The following TRPM6 variants were observed in gnomAD, a reference collection of about 807,000 sequenced individuals.
The protein encoded by TRPM6 is channel kinase 2.
TRPM6 carries 111 observed loss-of-function variants against 247.6 expected under a neutral mutation model. The observed-to-expected ratio is 0.45, with a 90% CI of 0.38 to 0.52. TRPM6 has a LOEUF of 0.52. Ranked by LOEUF, TRPM6 falls within the 20% of genes least tolerant of loss-of-function variation. The pLI, the probability that TRPM6 is intolerant of heterozygous loss-of-function variation, is 0.00. For missense variants in TRPM6, 2,126 were observed against 2,421.5 expected (o/e 0.88, Z 2.56); for synonymous variants, 892 against 853.8 (o/e 1.04, Z -0.78).
At chr9:74,781,632 A>AAG (rs1237577145) in intron 23 of TRPM6, among the ~76,000 whole-genome samples, 1 of 151,508 alleles carries the variant, frequency 6.6e-6, no homozygotes, top group Non-Finnish European at 1.5e-5. Flanking sequence ...GAGAGGAAGA[A>AAG]AGAGAGAGAG....
rs777390076 is a variant in TRPM6, at chr9:74,728,220, AG to A, written c.5935+18del. On this transcript the variant is annotated intron_variant, in intron 38 of 38. Transcript: ENST00000360774. ...TATGAGAGATTTACTTAGAGAAAAA[AG>A]AACTGTTAGTGGCATACCCGGGAGT... 1 of 1,567,572 alleles carries A rather than the reference AG, an allele frequency of 6.4e-7. No homozygotes were observed. The highest frequency in any genetic ancestry group is 1.1e-5 in the South Asian group (1 of 90,002).
intron 1 of TRPM6, chr9:74,875,280 C>T (rs117853087): frequency 0.025 from 11,441 of 454,396 alleles, 220 homozygotes; most frequent in Non-Finnish European, 0.035. Context: ...TGGTGACTCA[C>T]GCCTGTAATC....
At chr9:74,841,883 T>A (rs1205745346) in intron 4 of TRPM6, among the ~76,000 whole-genome samples, 5 of 152,100 alleles carry the variant, frequency 3.3e-5, no homozygotes. Flanking sequence ...GTGCAGCTAT[T>A]GAAAAATGTG....
Position 74,800,116 on chromosome 9 carries a change from G to T in TRPM6, c.2238+138C>A, listed in dbSNP as rs1012192752. Reference sequence around the variant, plus strand: ...GGTATACGAGTAGCTGCAGTCCCCTGCTAGAACCTCCAAATGAGCTCTCAA... The same window carrying T: ...GGTATACGAGTAGCTGCAGTCCCCTTCTAGAACCTCCAAATGAGCTCTCAA... On this transcript the variant is annotated intron_variant, in intron 17 of 38. Transcript: ENST00000360774. The T allele has an allele frequency of 1.6e-4, 126 of 797,068 alleles. No homozygotes were observed. The African/African-American group carries it at 1.8e-3, about 11-fold the overall frequency. 49.4% of individuals were successfully genotyped at this position (797,068 alleles called of 1,614,324 possible).
At chr9:74,829,435 A>C (rs754193418) in intron 6 of TRPM6, among the ~76,000 whole-genome samples, 1 of 152,256 alleles carries the variant, frequency 6.6e-6, no homozygotes, top group Non-Finnish European at 1.5e-5. Flanking sequence ...AGGCAAAAGC[A>C]CAATATTTAG....
In TRPM6 at chr9:74,750,756, T is replaced by C. The variant is rs1354218936; in HGVS notation, c.4999-34A>G. ...AAGGGAAAGGCCGTTACGTGTGTGCTCAACATAGTCCCACCCCAAGTTTCT... is the reference window on the plus strand; with the variant it reads ...AAGGGAAAGGCCGTTACGTGTGTGCCCAACATAGTCCCACCCCAAGTTTCT... On this transcript the variant is annotated intron_variant, in intron 29 of 38. Coordinates refer to ENST00000360774, the MANE Select transcript of TRPM6 (RefSeq NM_017662.5). 5 of 1,601,908 alleles carry C rather than the reference T, an allele frequency of 3.1e-6. No individual in the cohort carries two copies. The African/African-American group carries it at 5.4e-5, about 17-fold the overall frequency.
intron 37 of TRPM6, 45 bp downstream of exon 37, chr9:74,732,640 A>G (rs2118700808): frequency 1.4e-5 from 20 of 1,389,930 alleles, no homozygotes; most frequent in Non-Finnish European, 2.0e-5. Context: ...CATTTACTAT[A>G]TGTTAAATGC....
At chr9:74,773,441 C>T (rs1212043220) in intron 24 of TRPM6, among the ~76,000 whole-genome samples, 1 of 152,186 alleles carries the variant, frequency 6.6e-6, no homozygotes, top group Non-Finnish European at 1.5e-5. Flanking sequence ...CCTTCTCTGA[C>T]ACAATTATAA....
At chr9:74,822,248 C>CTTAT (rs1182770565) in intron 7 of TRPM6, among the ~76,000 whole-genome samples, 1 of 152,022 alleles carries the variant, frequency 6.6e-6, no homozygotes, top group African/African-American at 2.4e-5. Context: ...TTAATTATTA[C>CTTAT]TTATTTATTT....
chr9:74,782,638 G>T, intron 22 of TRPM6, 41 bp downstream of exon 22: 1 of 1,604,764 alleles, frequency 6.2e-7, no homozygotes, highest in Non-Finnish European at 8.5e-7. Context: ...TGTTAACTAT[G>T]AAGGCACAAT....
chr9:74,871,243 G>A (rs1470434426), intron 1 of TRPM6, among the ~76,000 whole-genome samples: 1 of 152,120 alleles, frequency 6.6e-6, no homozygotes, highest in Non-Finnish European at 1.5e-5. Context: ...GTGATACAGG[G>A]AAAAGTTAAA....
At chr9:74,811,265 G>A (rs1323467567) in intron 12 of TRPM6, among the ~76,000 whole-genome samples, 2 of 152,144 alleles carry the variant, frequency 1.3e-5, no homozygotes, top group African/African-American at 2.4e-5. Context: ...TTCCTGGAGT[G>A]TTTATAATAA....
chr9:74,730,546 G>A (rs1033189585), intron 37 of TRPM6, among the ~76,000 whole-genome samples: 2 of 152,078 alleles, frequency 1.3e-5, no homozygotes, highest in East Asian at 1.9e-4. Context: ...TAAATAACCC[G>A]TGAAAGCACT....
intron 3 of TRPM6, among the ~76,000 whole-genome samples, chr9:74,844,189 A>G (rs755111276): frequency 7.9e-5 from 12 of 152,224 alleles, no homozygotes; most frequent in Non-Finnish European, 1.2e-4. Context: ...CAAAGTCACC[A>G]GCACAGATAC....
intron 17 of TRPM6, among the ~76,000 whole-genome samples, chr9:74,798,874 GA>G (rs1828199011): frequency 1.3e-5 from 2 of 152,284 alleles, no homozygotes; most frequent in African/African-American, 4.8e-5. Context: ...TTTTTGGTAT[GA>G]AGTATATGAA....
chr9:74,835,864 C>A (rs1184563206), intron 5 of TRPM6, among the ~76,000 whole-genome samples: 1 of 152,102 alleles, frequency 6.6e-6, no homozygotes, highest in Non-Finnish European at 1.5e-5. Flanking sequence ...CCATGCCATG[C>A]CCTGCTCCCA....
chr9:74,784,075 G>T (rs548924266), intron 21 of TRPM6, among the ~76,000 whole-genome samples: 13 of 152,018 alleles, frequency 8.6e-5, no homozygotes, highest in Non-Finnish European at 1.9e-4. Flanking sequence ...GGCCAACATG[G>T]TGAAACCCCG....
At chr9:74,779,035 C>A (rs965600543) in intron 23 of TRPM6, among the ~76,000 whole-genome samples, 3 of 152,160 alleles carry the variant, frequency 2.0e-5, no homozygotes, top group African/African-American at 7.2e-5. Context: ...AGCAAACGGG[C>A]AGTGAGACAC....
chr9:74,858,790 C>T (rs753180443), intron 1 of TRPM6, 42 bp from the exon 2 acceptor site: 1 of 1,481,130 alleles, frequency 6.8e-7, no homozygotes, highest in East Asian at 2.3e-5. Flanking sequence ...AATTATGTGA[C>T]AAAACAATGT....
Sources: gnomAD v4.1 joint callset for allele counts (sites outside exome capture counted in the v4.1 genomes callset) on GRCh38, gnomAD v4.1.1 for gene constraint, MANE v1.5 for transcripts, NCBI Gene and HGNC (gene_info 2026-07-23, HGNC 2026-07-21) for gene names.